The following UXS1 variants were observed in gnomAD, a reference collection of about 807,000 sequenced individuals.
UXS1 encodes the protein UDP-glucuronic acid decarboxylase 1.
Under a neutral mutation model 62.6 loss-of-function variants are expected in UXS1, and 33 were observed. The ratio of observed to expected loss-of-function variants is 0.53; its 90% confidence interval spans 0.40 to 0.70. The LOEUF is 0.70. UXS1 is among the 30% of genes least tolerant of loss of function. The pLI is 0.00. For synonymous variants in UXS1, 213 were observed against 206.8 expected, an observed-to-expected ratio of 1.03 and a Z score of -0.26; for missense variants, 434 against 556.3, an observed-to-expected ratio of 0.78 and a Z score of 2.21.
intron 1 of UXS1, among the ~76,000 whole-genome samples, chr2:106,178,072 C>T (rs1280574421): frequency 1.3e-5 from 2 of 152,204 alleles, no homozygotes; most frequent in East Asian, 1.9e-4. Flanking sequence ...AAATTCTAGA[C>T]GCCCCTTCTC....
intron 7 of UXS1, 21 bp from the exon 8 acceptor site, chr2:106,125,700 AT>A: frequency 6.4e-7 from 1 of 1,553,552 alleles, no homozygotes; most frequent in Non-Finnish European, 8.7e-7. Flanking sequence ...CAATGACATG[AT>A]AAAAGAGACT....
At chr2:106,165,984 T>G in intron 2 of UXS1, 72 bp downstream of exon 2, 1 of 1,414,246 alleles carries the variant, frequency 7.1e-7, no homozygotes, top group Non-Finnish European at 9.7e-7. Context: ...ATGACATCCA[T>G]GGTATATATG....
At chr2:106,122,833 A>G in intron 9 of UXS1, 137 bp downstream of exon 9, 1 of 1,117,952 alleles carries the variant, frequency 8.9e-7, no homozygotes, top group South Asian at 1.7e-5. Context: ...TTAATTTATA[A>G]TACTGGGAAA....
intron 1 of UXS1, among the ~76,000 whole-genome samples, chr2:106,168,940 G>A (rs1269738230): frequency 6.6e-6 from 1 of 152,210 alleles, no homozygotes; most frequent in African/African-American, 2.4e-5. Flanking sequence ...GGTGACATGA[G>A]TAACTGTTTA....
chr2:106,137,555 G>A (rs1426359316), intron 6 of UXS1, among the ~76,000 whole-genome samples: 3 of 152,040 alleles, frequency 2.0e-5, no homozygotes, highest in South Asian at 2.1e-4. Context: ...TTGGGAGGCC[G>A]AGGTGGGTGG....
intron 1 of UXS1, among the ~76,000 whole-genome samples, chr2:106,166,898 A>C (rs1479236054): frequency 6.6e-6 from 1 of 152,138 alleles, no homozygotes; most frequent in Non-Finnish European, 1.5e-5. Context: ...AAATCAAATA[A>C]TCACATGTCT....
chr2:106,114,788 G>A (rs1010188721), intron 9 of UXS1, among the ~76,000 whole-genome samples: 2 of 152,132 alleles, frequency 1.3e-5, no homozygotes, highest in Admixed American at 6.5e-5. Flanking sequence ...TGCAACAGCC[G>A]TTGAGTGCAA....
Position 106,189,940 on chromosome 2 carries a change from C to G in UXS1, c.94+4208G>C, listed in dbSNP as rs1684809419. On this transcript the variant is annotated intron_variant, in intron 1 of 14. Transcript: ENST00000283148. ...AAGAGGAAGTCAGGAAACAGAAGTC[C>G]TGCAGTGGGTAGGTCCAGGCTGATG... 2.0e-5 allele frequency among the ~76,000 whole-genome samples: 3 copies of G among 152,162 alleles called. No homozygotes were observed. In the South Asian group the frequency reaches 6.2e-4, roughly 31 times the overall value.
chr2:106,152,060 T>C (rs1316681665), intron 5 of UXS1, among the ~76,000 whole-genome samples: 1 of 152,230 alleles, frequency 6.6e-6, no homozygotes, highest in Non-Finnish European at 1.5e-5. Flanking sequence ...AATTGCAGTG[T>C]AAAGTGCTCC....
chr2:106,109,064 C>T (rs975574707), intron 10 of UXS1, among the ~76,000 whole-genome samples: 3 of 152,046 alleles, frequency 2.0e-5, no homozygotes, highest in Non-Finnish European at 2.9e-5. Flanking sequence ...AGCTAGAATC[C>T]GCCTTACCTC....
intron 6 of UXS1, chr2:106,138,701 CG>C: frequency 2.0e-6 from 2 of 985,494 alleles, no homozygotes; most frequent in South Asian, 9.4e-5. Flanking sequence ...ACTGCTGCTC[CG>C]GAAGGCTGAG....
chr2:106,109,951 C>T (rs1413915633), intron 10 of UXS1, among the ~76,000 whole-genome samples: 3 of 152,220 alleles, frequency 2.0e-5, no homozygotes, highest in Non-Finnish European at 4.4e-5. Flanking sequence ...GACACACCTC[C>T]TTATTTCCCT....
At chr2:106,138,317 C>T (rs550528961) in intron 6 of UXS1, 144 of 985,596 alleles carry the variant, frequency 1.5e-4, no homozygotes, top group African/African-American at 3.5e-4. Context: ...AACAGCTCAG[C>T]GCTGCCTTGT....
At chr2:106,156,363 T>C (rs1418057761) in intron 5 of UXS1, among the ~76,000 whole-genome samples, 7 of 152,146 alleles carry the variant, frequency 4.6e-5, no homozygotes, top group Admixed American at 3.9e-4. Context: ...GTAGAAAGGC[T>C]ACAATCAAAA....
chr2:106,130,679 CTG>C, intron 6 of UXS1, among the ~76,000 whole-genome samples: 1 of 152,304 alleles, frequency 6.6e-6, no homozygotes, highest in Non-Finnish European at 1.5e-5. Flanking sequence ...GGAACTGCTG[CTG>C]TCTTTCCTTT....
intron 14 of UXS1, among the ~76,000 whole-genome samples, chr2:106,095,501 T>C (rs1241956759): frequency 6.6e-6 from 1 of 152,260 alleles, no homozygotes; most frequent in African/African-American, 2.4e-5. Context: ...CAGCTCTGAC[T>C]ATGCACATTT....
intron 5 of UXS1, among the ~76,000 whole-genome samples, chr2:106,153,398 T>G (rs1459053075): frequency 6.6e-6 from 1 of 152,192 alleles, no homozygotes; most frequent in Non-Finnish European, 1.5e-5. Context: ...CATGAGCCTG[T>G]TAGACCCACC....
At chr2:106,183,992 G>C (rs1041081764) in intron 1 of UXS1, among the ~76,000 whole-genome samples, 3 of 152,116 alleles carry the variant, frequency 2.0e-5, no homozygotes, top group African/African-American at 7.2e-5. Flanking sequence ...GGGAGTTCGA[G>C]ACCAGCCTGG....
chr2:106,151,078 T>C (rs1334900405), intron 5 of UXS1, among the ~76,000 whole-genome samples: 1 of 152,208 alleles, frequency 6.6e-6, no homozygotes, highest in East Asian at 1.9e-4. Flanking sequence ...CACCATTGTA[T>C]TTTACAAGTA....
Sources: gnomAD v4.1 joint callset for allele counts (sites outside exome capture counted in the v4.1 genomes callset) on GRCh38, gnomAD v4.1.1 for gene constraint, MANE v1.5 for transcripts, NCBI Gene and HGNC (gene_info 2026-07-23, HGNC 2026-07-21) for gene names.